The following DPP10 variants were observed in gnomAD, a reference collection of about 807,000 sequenced individuals.
DPP10 encodes dipeptidyl peptidase like 10.
In DPP10, 33 loss-of-function variants were observed where a neutral mutation model predicts 120.9. The ratio of observed to expected loss-of-function variants is 0.27; its 90% confidence interval spans 0.21 to 0.37. DPP10 has a LOEUF of 0.37. DPP10 is among the 10% of genes least tolerant of loss of function. DPP10 has a pLI of 1.00. For missense variants in DPP10, 816 were observed against 942.8 expected (o/e 0.87, Z 1.76); for synonymous variants, 337 against 326.1 (o/e 1.03, Z -0.36).
chr2:115,388,262 G>A (rs2067090378), intron 3 of DPP10, among the ~76,000 whole-genome samples: 1 of 152,226 alleles, frequency 6.6e-6, no homozygotes. Context: ...AGTCAAAGAG[G>A]TAGATAGGTG....
intron 3 of DPP10, among the ~76,000 whole-genome samples, chr2:115,485,238 CAAA>C (rs70941066): frequency 0.015 from 1,824 of 123,240 alleles, 21 homozygotes; most frequent in African/African-American, 0.035. Flanking sequence ...AACACTGTTC[CAAA>C]AAAAAAAAAA....
rs549349819 is a variant in DPP10 at position 115,632,949 on chromosome 2, G to A, written c.442-56738G>A. On this transcript the variant is annotated intron_variant, in intron 5 of 25. Transcript: ENST00000410059. ...GGAAACAACAGGTGCTGGAGAGGAT[G>A]TGGAGAAATAGGAACACTTTTACAA... is the stretch of plus-strand genomic sequence containing the variant. Among the ~76,000 whole-genome samples the A allele has an allele frequency of 3.9e-3, 593 of 152,326 alleles. 5 individuals are homozygous for A. Among genetic ancestry groups the A allele is most frequent in the Non-Finnish European group, 3.0e-3 (204 of 68,036 alleles).
chr2:114,892,020 A>G (rs1692582369), intron 1 of DPP10, among the ~76,000 whole-genome samples: 1 of 152,092 alleles, frequency 6.6e-6, no homozygotes, highest in South Asian at 2.1e-4. Context: ...ATGAAGTAGG[A>G]CCCTTTACAA....
At chr2:115,254,923 C>G (rs2058916022) in intron 1 of DPP10, among the ~76,000 whole-genome samples, 1 of 152,146 alleles carries the variant, frequency 6.6e-6, no homozygotes, top group Non-Finnish European at 1.5e-5. Context: ...CTGGCGTTGT[C>G]TGTGGCTTTA....
At chr2:114,654,849 G>C (rs1368770289) in intron 1 of DPP10, among the ~76,000 whole-genome samples, 1 of 152,130 alleles carries the variant, frequency 6.6e-6, no homozygotes, top group African/African-American at 2.4e-5. Context: ...ATAAGTCCTT[G>C]AACAAGTACC....
intron 1 of DPP10, among the ~76,000 whole-genome samples, chr2:114,597,890 C>T (rs942545610): frequency 2.0e-5 from 3 of 151,938 alleles, no homozygotes; most frequent in African/African-American, 7.2e-5. Context: ...TCCATTTCAA[C>T]TCCCACCATC....
intron 1 of DPP10, among the ~76,000 whole-genome samples, chr2:114,989,431 GGTACCAAGAAGTGATCGTTGCTTAA>G (rs1349723855): frequency 6.6e-6 from 1 of 152,186 alleles, no homozygotes; most frequent in African/African-American, 2.4e-5. Flanking sequence ...GGGGAACAGA[GGTACCAAGAAGTGATCGTTGCTTAA>G]GTCTGGGGTT....
At chr2:115,061,963 A>G (rs1706445189) in intron 1 of DPP10, among the ~76,000 whole-genome samples, 1 of 151,542 alleles carries the variant, frequency 6.6e-6, no homozygotes, top group Admixed American at 6.6e-5. Flanking sequence ...TCCCTTGGCT[A>G]TTCTTTTCTG....
chr2:115,334,767 A>G (rs921022327), intron 2 of DPP10, among the ~76,000 whole-genome samples: 4 of 151,952 alleles, frequency 2.6e-5, no homozygotes, highest in African/African-American at 7.2e-5. Context: ...GGCCCTGTAT[A>G]TTTTACATTT....
intron 1 of DPP10, among the ~76,000 whole-genome samples, chr2:115,275,701 C>CT (rs72078308): frequency 0.18 from 23,091 of 131,442 alleles, 2,646 homozygotes; most frequent in East Asian, 0.35. Context: ...CTTTTCTTTT[C>CT]TTTTTTTTTT....
At chr2:115,229,429 A>G (rs1443426300) in intron 1 of DPP10, among the ~76,000 whole-genome samples, 1 of 152,016 alleles carries the variant, frequency 6.6e-6, no homozygotes, top group Non-Finnish European at 1.5e-5. Context: ...CTTGTTGATT[A>G]TTACTCAAGA....
chr2:114,679,314 G>A (rs150101207), intron 1 of DPP10, among the ~76,000 whole-genome samples: 1 of 152,110 alleles, frequency 6.6e-6, no homozygotes, highest in East Asian at 1.9e-4. Context: ...ATAATTTAGT[G>A]TGTGTAAAAT....
At chr2:115,564,059 C>T (rs1009123557) in intron 5 of DPP10, among the ~76,000 whole-genome samples, 2 of 152,082 alleles carry the variant, frequency 1.3e-5, no homozygotes, top group African/African-American at 4.8e-5. Flanking sequence ...TCTCTCTGTG[C>T]CCCCTTCTGG....
At chr2:115,747,438 G>T (rs530028441) in intron 10 of DPP10, among the ~76,000 whole-genome samples, 5 of 151,984 alleles carry the variant, frequency 3.3e-5, no homozygotes, top group Non-Finnish European at 5.9e-5. Context: ...CATTTTATCT[G>T]GTCCTTAACT....
chr2:114,638,518 A>T (rs928124787), intron 1 of DPP10, among the ~76,000 whole-genome samples: 1 of 151,908 alleles, frequency 6.6e-6, no homozygotes, highest in African/African-American at 2.4e-5. Flanking sequence ...ACAAAAGTGA[A>T]GCAAAATGTT....
chr2:115,378,834 G>A (rs2066033769), intron 3 of DPP10, among the ~76,000 whole-genome samples: 1 of 152,136 alleles, frequency 6.6e-6, no homozygotes, highest in Non-Finnish European at 1.5e-5. Context: ...CTTTGGTTCT[G>A]TTTATATGCT....
At chr2:114,602,154 T>A (rs542565804) in intron 1 of DPP10, among the ~76,000 whole-genome samples, 3 of 151,804 alleles carry the variant, frequency 2.0e-5, no homozygotes, top group African/African-American at 7.3e-5. Flanking sequence ...TGGCAGTTAA[T>A]ACACATAGAG....
chr2:114,956,081 G>T (rs1203637808), intron 1 of DPP10, among the ~76,000 whole-genome samples: 1 of 152,004 alleles, frequency 6.6e-6, no homozygotes, highest in African/African-American at 2.4e-5. Context: ...ACATAGTACT[G>T]GATGTCTTAG....
At chr2:114,695,292 G>A (rs1700005939) in intron 1 of DPP10, among the ~76,000 whole-genome samples, 1 of 151,980 alleles carries the variant, frequency 6.6e-6, no homozygotes, top group Admixed American at 6.6e-5. Context: ...ATAGAGAGAA[G>A]TTAAGTTGTA....
Sources: allele counts gnomAD v4.1 joint callset (sites outside exome capture counted in the v4.1 genomes callset), GRCh38; gene constraint gnomAD v4.1.1; transcripts MANE v1.5; gene names NCBI Gene and HGNC (gene_info 2026-07-23, HGNC 2026-07-21).